Variants in TBL1X observed in about 807,000 individuals in gnomAD.
TBL1X encodes the protein transducin beta like 1 X-linked.
TBL1X carries 10 observed loss-of-function variants against 50.7 expected under a neutral mutation model. The observed-to-expected ratio is 0.20, with a 90% CI of 0.12 to 0.33. The LOEUF (loss-of-function observed/expected upper bound fraction) is 0.33. TBL1X is among the 10% of genes least tolerant of loss of function. The pLI is 1.00. For synonymous variants in TBL1X, 190 were observed against 214.7 expected (o/e 0.88, Z 1.01); for missense variants, 340 against 504.4 (o/e 0.67, Z 3.12).
intron 13 of TBL1X, among the ~76,000 whole-genome samples, chrX:9,707,523 T>C (rs952178915): frequency 5.4e-5 from 6 of 111,779 alleles, no homozygotes; most frequent in Non-Finnish European, 9.4e-5. Context: ...TGGGGTTGAG[T>C]GGAGACCCAT....
chrX:9,474,858 T>C (rs1385820717), intron 1 of TBL1X, among the ~76,000 whole-genome samples: 1 of 112,464 alleles, frequency 8.9e-6, no homozygotes, highest in East Asian at 2.8e-4. Flanking sequence ...GTGCTTTAAA[T>C]CTTTAAATCT....
chrX:9,569,715 C>G (rs1037550240), intron 2 of TBL1X, among the ~76,000 whole-genome samples: 2 of 111,849 alleles, frequency 1.8e-5, no homozygotes, highest in Non-Finnish European at 3.8e-5. Flanking sequence ...TCTGCCACTT[C>G]CTTTTTATTT....
intron 2 of TBL1X, among the ~76,000 whole-genome samples, chrX:9,609,480 C>T (rs1277500103): frequency 9.2e-6 from 1 of 108,984 alleles, no homozygotes; most frequent in Non-Finnish European, 1.9e-5. Flanking sequence ...ACTTGACCTT[C>T]TCCAGGAAGC....
At chrX:9,510,068 C>T (rs1053315557) in intron 2 of TBL1X, among the ~76,000 whole-genome samples, 3 of 111,323 alleles carry the variant, frequency 2.7e-5, no homozygotes, top group African/African-American at 9.8e-5. Context: ...ATCACCACAC[C>T]CTAACATTCT....
Position 9,688,083 on chromosome X carries a change from G to A in TBL1X, c.424G>A (p.Val142Met), listed in dbSNP as rs745442962. Reference protein sequence around the residue: ...LSLIDAVMPDVVQTRQQAFRE... With the variant: ...LSLIDAVMPDMVQTRQQAFRE... The stretch of plus-strand genomic sequence containing the variant: ...ACTGATAGACGCCGTGATGCCCGAC[G>A]TGGTGCAGACGCGGCAGCAGGCATT... The change falls in exon 7 of 18, where the codon GTG becomes ATG. Residue 142 changes from valine (V) to methionine (M), a missense_variant. By Grantham distance (21) the Val-to-Met change is conservative (BLOSUM62 1). Transcript: ENST00000645353. 28 of 1,210,146 alleles carry A rather than the reference G, an allele frequency of 2.3e-5. No individual in the cohort carries two copies. The highest frequency in any genetic ancestry group is 8.7e-5 in the Admixed American group (4 of 45,787).
At chrX:9,516,104 C>T (rs1274338376) in intron 2 of TBL1X, among the ~76,000 whole-genome samples, 2 of 110,928 alleles carry the variant, frequency 1.8e-5, no homozygotes, top group Non-Finnish European at 1.9e-5. Flanking sequence ...TTCATGTGCA[C>T]GGACATAGTG....
At chrX:9,713,354 C>T (rs1335663310) in intron 16 of TBL1X, among the ~76,000 whole-genome samples, 1 of 110,463 alleles carries the variant, frequency 9.1e-6, no homozygotes, top group Non-Finnish European at 1.9e-5. Flanking sequence ...CAGTTAGGTA[C>T]AGCCTGTTGT....
chrX:9,620,080 G>T (rs1601798429), intron 2 of TBL1X, among the ~76,000 whole-genome samples: 2 of 112,317 alleles, frequency 1.8e-5, no homozygotes, highest in Admixed American at 9.4e-5. Context: ...TGGGGACAGT[G>T]GCTCCCACAG....
intron 2 of TBL1X, among the ~76,000 whole-genome samples, chrX:9,509,964 G>C (rs1295958191): frequency 9.0e-6 from 1 of 111,533 alleles, no homozygotes; most frequent in East Asian, 2.8e-4. Context: ...TATGGACACT[G>C]TGAGTTGCTT....
At chrX:9,622,632 GT>G (rs1317271095) in intron 2 of TBL1X, among the ~76,000 whole-genome samples, 1 of 110,722 alleles carries the variant, frequency 9.0e-6, no homozygotes, top group African/African-American at 3.3e-5. Flanking sequence ...ATTTTTTTGT[GT>G]TTTTTGTTTG....
chrX:9,466,081 A>G (rs1165453648), intron 1 of TBL1X, among the ~76,000 whole-genome samples: 2 of 111,300 alleles, frequency 1.8e-5, no homozygotes, highest in African/African-American at 6.5e-5. Context: ...GCCTGAGCGC[A>G]CGGCTGGGCT....
chrX:9,688,891 G>A (rs1485686715), intron 7 of TBL1X, among the ~76,000 whole-genome samples: 1 of 113,717 alleles, frequency 8.8e-6, no homozygotes, highest in Non-Finnish European at 1.9e-5. Context: ...GGCGCACCGT[G>A]TGCGCGCATG....
intron 1 of TBL1X, among the ~76,000 whole-genome samples, chrX:9,466,108 C>G (rs371208631): frequency 9.4e-6 from 1 of 106,725 alleles, no homozygotes; most frequent in African/African-American, 3.4e-5. Context: ...ACCCTTGGCC[C>G]GTCGAGGGTC....
intron 1 of TBL1X, among the ~76,000 whole-genome samples, chrX:9,497,408 C>CA (rs35402306): frequency 0.14 from 4,317 of 30,221 alleles, 687 homozygotes; most frequent in African/African-American, 0.22. Context: ...GACTCCATCT[C>CA]AAAAAAAAAA....
At chrX:9,629,996 A>G (rs1465588156) in intron 2 of TBL1X, among the ~76,000 whole-genome samples, 2 of 110,786 alleles carry the variant, frequency 1.8e-5, no homozygotes, top group Non-Finnish European at 3.8e-5. Flanking sequence ...CCTCATGAGC[A>G]GGGCCCATGA....
chrX:9,646,159 C>T (rs779249635), intron 3 of TBL1X, among the ~76,000 whole-genome samples: 1 of 112,439 alleles, frequency 8.9e-6, no homozygotes, highest in Non-Finnish European at 1.9e-5. Flanking sequence ...CAATCCATGC[C>T]GTGTATTGGT....
intron 2 of TBL1X, among the ~76,000 whole-genome samples, chrX:9,557,987 A>G (rs1161601767): frequency 8.9e-6 from 1 of 112,394 alleles, no homozygotes; most frequent in African/African-American, 3.2e-5. Context: ...AAATCTGGAA[A>G]TTTGTCCACA....
chrX:9,712,003 C>A (rs2083250530), intron 16 of TBL1X, among the ~76,000 whole-genome samples: 1 of 110,743 alleles, frequency 9.0e-6, no homozygotes, highest in Non-Finnish European at 1.9e-5. Flanking sequence ...GTCGTGTCCA[C>A]CGTAATCATG....
chrX:9,537,542 A>G (rs2082194804), intron 2 of TBL1X, among the ~76,000 whole-genome samples: 1 of 111,422 alleles, frequency 9.0e-6, no homozygotes, highest in Non-Finnish European at 1.9e-5. Flanking sequence ...TATGATTTTG[A>G]CACTCTAGGG....
Sources: gnomAD v4.1 joint callset for allele counts (sites outside exome capture counted in the v4.1 genomes callset) on GRCh38, gnomAD v4.1.1 for gene constraint, MANE v1.5 for transcripts, NCBI Gene and HGNC (gene_info 2026-07-23, HGNC 2026-07-21) for gene names.